The following CPAMD8 variants were observed in gnomAD, a reference collection of about 807,000 sequenced individuals.
The protein encoded by CPAMD8 is C3 and PZP-like alpha-2-macroglobulin domain-containing protein 8.
A neutral mutation model predicts 224.7 loss-of-function variants in CPAMD8; 146 were observed. The observed-to-expected ratio is 0.65, with a 90% CI of 0.57 to 0.75. CPAMD8 has a LOEUF of 0.75. Among genes scored for constraint, CPAMD8 ranks in the 30% least tolerant of loss-of-function variants. The pLI is 0.00. For missense variants in CPAMD8, 2,301 were observed against 2,537.5 expected (o/e 0.91, Z 2.00); for synonymous variants, 966 against 1,044.6 (o/e 0.92, Z 1.45).
intron 14 of CPAMD8, among the ~76,000 whole-genome samples, chr19:16,979,363 T>TGTCC (rs2055410539): frequency 6.9e-6 from 1 of 143,940 alleles, no homozygotes; most frequent in Admixed American, 6.8e-5. Flanking sequence ...TCCATCCATC[T>TGTCC]GTCCATCCAT....
At chr19:16,936,463 C>T (rs148908407) in intron 23 of CPAMD8, among the ~76,000 whole-genome samples, 227 of 151,786 alleles carry the variant, frequency 1.5e-3, no homozygotes, top group African/African-American at 4.8e-3. Flanking sequence ...AGTGCAGTGG[C>T]GCAATCTTGG....
chr19:17,001,995 C>T (rs1010835220), intron 9 of CPAMD8, among the ~76,000 whole-genome samples: 4 of 148,224 alleles, frequency 2.7e-5, no homozygotes, highest in African/African-American at 5.0e-5. Context: ...AGGGAGGAGG[C>T]GCCCACAGGG....
In CPAMD8 at chr19:16,896,629, G is replaced by GGGGCCACGGCA. The variant is rs1380978618; in HGVS notation, c.5091_5101dup (p.Pro1701LeufsTer90). 7 of 1,495,062 alleles carry GGGGCCACGGCA rather than the reference G, an allele frequency of 4.7e-6. No individual in the cohort carries two copies. The highest frequency in any genetic ancestry group is 2.7e-5 in the East Asian group (1 of 37,288). The allele number at this position is 1,495,062 out of a possible 1,614,324, so 92.6% of individuals were successfully genotyped here. A position where few individuals can be genotyped will look rare whatever the true frequency, so the allele number is the denominator to read the frequency against. The stretch of plus-strand genomic sequence containing the variant: ...TCGCGCGATCGCCGCCCCCTCCTCA[G>GGGGCCACGGCA]GGGCCACGGCAGGGCCCGACTCGCC... On this transcript the variant is annotated frameshift_variant, in exon 40 of 42. Coordinates refer to ENST00000443236, the MANE Select transcript of CPAMD8 (RefSeq NM_015692.5). LOFTEE classifies it high-confidence loss of function.
intron 17 of CPAMD8, among the ~76,000 whole-genome samples, chr19:16,972,868 A>G (rs1430202476): frequency 6.6e-6 from 1 of 152,208 alleles, no homozygotes; most frequent in Admixed American, 6.5e-5. Context: ...AACAAAAAAC[A>G]AAACACAAAG....
chr19:16,963,462 G>A (rs1211661308), intron 18 of CPAMD8, among the ~76,000 whole-genome samples: 2 of 152,176 alleles, frequency 1.3e-5, no homozygotes, highest in African/African-American at 4.8e-5. Flanking sequence ...TTACATAATG[G>A]TAAAGGAATC....
At chr19:16,941,643 G>C (rs570545348) in intron 22 of CPAMD8, among the ~76,000 whole-genome samples, 1 of 152,138 alleles carries the variant, frequency 6.6e-6, no homozygotes, top group East Asian at 1.9e-4. Flanking sequence ...TGCTGTTCTC[G>C]TGATAATGGG....
chr19:16,957,274 T>C (rs1031349247), intron 19 of CPAMD8, among the ~76,000 whole-genome samples: 3 of 152,228 alleles, frequency 2.0e-5, no homozygotes, highest in Admixed American at 1.3e-4. Flanking sequence ...TGGCCCGGGC[T>C]GGACCAAGAG....
At chr19:16,952,366 C>T (rs1351081950) in intron 19 of CPAMD8, among the ~76,000 whole-genome samples, 166 bp from the exon 20 acceptor site, 1 of 152,142 alleles carries the variant, frequency 6.6e-6, no homozygotes, top group African/African-American at 2.4e-5. Flanking sequence ...AAAAAACTGT[C>T]CCTCAGCCCT....
intron 12 of CPAMD8, 108 bp downstream of exon 12, chr19:16,993,308 G>T: frequency 1.2e-6 from 1 of 832,860 alleles, no homozygotes; most frequent in Non-Finnish European, 1.9e-6. Context: ...CTCCTGCAGG[G>T]CTGGGACGGG....
At chr19:17,012,666 G>C (rs986984939) in intron 3 of CPAMD8, among the ~76,000 whole-genome samples, 6 of 152,290 alleles carry the variant, frequency 3.9e-5, no homozygotes, top group South Asian at 2.1e-4. Flanking sequence ...TGCTGAGGCT[G>C]AGAAACACTG....
intron 27 of CPAMD8, among the ~76,000 whole-genome samples, chr19:16,920,855 C>CAAAAA (rs200039066): frequency 8.4e-6 from 1 of 119,082 alleles, no homozygotes; most frequent in East Asian, 2.4e-4. Context: ...GACTCTATCT[C>CAAAAA]AAAAAAAAAA....
chr19:16,957,781 G>T, intron 19 of CPAMD8, 72 bp downstream of exon 19: 3 of 1,436,714 alleles, frequency 2.1e-6, no homozygotes, highest in Non-Finnish European at 2.9e-6. Flanking sequence ...TCTCACCGGA[G>T]GCTCTCTGGA....
intron 22 of CPAMD8, among the ~76,000 whole-genome samples, chr19:16,943,363 C>T (rs190512344): frequency 6.0e-4 from 91 of 152,150 alleles, no homozygotes; most frequent in African/African-American, 1.6e-3. Flanking sequence ...GGTTTATCCA[C>T]GTTGTAGCAT....
At chr19:16,941,942 C>T (rs2053908317) in intron 22 of CPAMD8, among the ~76,000 whole-genome samples, 2 of 152,130 alleles carry the variant, frequency 1.3e-5, no homozygotes, top group South Asian at 4.1e-4. Context: ...CATTGCACTC[C>T]AGCGTGGCGA....
chr19:16,994,262 G>A (rs1001774653), intron 11 of CPAMD8, among the ~76,000 whole-genome samples: 2 of 152,182 alleles, frequency 1.3e-5, no homozygotes, highest in Non-Finnish European at 2.9e-5. Flanking sequence ...TTGGCAAAGA[G>A]GTCATGAAGT....
At chr19:16,960,890 C>T (rs755197973) in intron 18 of CPAMD8, among the ~76,000 whole-genome samples, 4 of 150,496 alleles carry the variant, frequency 2.7e-5, no homozygotes, top group Admixed American at 6.6e-5. Flanking sequence ...GAGACTCCTC[C>T]TCAAAAAAAA....
At chr19:17,016,800 G>A (rs773382984) in intron 3 of CPAMD8, among the ~76,000 whole-genome samples, 12 of 151,504 alleles carry the variant, frequency 7.9e-5, no homozygotes, top group Non-Finnish European at 1.3e-4. Flanking sequence ...ATCACACAAA[G>A]GAAAGGCAGG....
At chr19:16,947,022 C>T (rs1254452259) in intron 21 of CPAMD8, 52 bp downstream of exon 21, 6 of 1,534,542 alleles carry the variant, frequency 3.9e-6, no homozygotes, top group Middle Eastern at 3.7e-4. Flanking sequence ...AATGCCAGGA[C>T]ACTTTTGTGG....
rs540468823 is a variant in CPAMD8 at position 16,901,255 on chromosome 19, C to T, written c.4728G>A (p.Val1576=). The change falls in exon 36 of 42, where the codon GTG becomes GTA. Residue 1576 remains valine (V), a synonymous_variant. Coordinates refer to ENST00000443236, the MANE Select transcript of CPAMD8 (RefSeq NM_015692.5). ...AGSSNMAVLE[V]PLLSGFRADI... ...CTGCCCGGAAGCCTGACAGCAGGGG[C>T]ACCTCCAGGACAGCCATATTGGAAG... The T allele has an allele frequency of 6.2e-7, 1 of 1,612,790 alleles. No homozygotes were observed. The highest frequency in any genetic ancestry group is 2.2e-5 in the East Asian group (1 of 44,854).
Sources: gnomAD v4.1 joint callset for allele counts (sites outside exome capture counted in the v4.1 genomes callset) on GRCh38, gnomAD v4.1.1 for gene constraint, MANE v1.5 for transcripts, NCBI Gene and HGNC (gene_info 2026-07-23, HGNC 2026-07-21) for gene names.